Variants in DCHS2 observed in about 807,000 individuals in gnomAD.
The protein encoded by DCHS2 is protocadherin-23.
A neutral mutation model predicts 182.4 loss-of-function variants in DCHS2; 142 were observed. The observed-to-expected ratio is 0.78, with a 90% CI of 0.68 to 0.89. The LOEUF (loss-of-function observed/expected upper bound fraction) is 0.89. Ranked by LOEUF, DCHS2 falls within the 40% of genes least tolerant of loss-of-function variation. The pLI is 0.00. For missense variants in DCHS2, 4,319 were observed against 4,198.6 expected (o/e 1.03, Z -0.79); for synonymous variants, 1,740 against 1,663.3 (o/e 1.05, Z -1.12).
At chr4:154,446,334 T>C (rs548011739) in intron 1 of DCHS2, among the ~76,000 whole-genome samples, 3 of 152,300 alleles carry the variant, frequency 2.0e-5, no homozygotes, top group African/African-American at 7.2e-5. Flanking sequence ...AAAAGTTAAA[T>C]ATACACTAAA....
At chr4:154,295,880 G>A (rs1340143264) in intron 13 of DCHS2, among the ~76,000 whole-genome samples, 1 of 152,174 alleles carries the variant, frequency 6.6e-6, no homozygotes, top group East Asian at 1.9e-4. Flanking sequence ...GAATTCAACA[G>A]ATCAACTGCC....
chr4:154,281,418 A>C (rs765434339), intron 13 of DCHS2, among the ~76,000 whole-genome samples: 2 of 152,176 alleles, frequency 1.3e-5, no homozygotes, highest in Non-Finnish European at 2.9e-5. Flanking sequence ...TTAGAAAAAC[A>C]ATACCATTTA....
chr4:154,491,323 C>A lies in DCHS2; in HGVS notation c.33G>T (p.Gly11=). 6.5e-7 allele frequency: 1 copy of A among 1,545,448 alleles called. No individual in the cohort carries two copies. Among genetic ancestry groups the A allele is most frequent in the Non-Finnish European group, 8.7e-7 (1 of 1,142,968 alleles). MSPCGRKMGE[G]RQQRRAPVGK... is the part of the protein sequence containing the mutation. ...CGACCGGAGCCCGCCGCTGCTGACG[C>A]CCTTCGCCCATCTTCCGCCCACAAG... The change falls in exon 1 of 20, where the codon GGG becomes GGT. Residue 11 remains glycine (G), a synonymous_variant. Transcript: ENST00000357232.
chr4:154,335,231 G>T (rs971782365), intron 3 of DCHS2, 127 bp from the exon 4 acceptor site: 14 of 689,092 alleles, frequency 2.0e-5, no homozygotes, highest in Non-Finnish European at 3.3e-5. Context: ...GCCACAGGAT[G>T]TCCAGGCATT....
rs1733080253 is a variant in DCHS2, at chr4:154,263,431, T to C, written c.6578-3675A>G. Among the ~76,000 whole-genome samples the C allele has an allele frequency of 1.3e-5, 2 of 151,948 alleles. 1 individual carries two copies. Among genetic ancestry groups the C allele is most frequent in the South Asian group, 4.1e-4 (2 of 4,826 alleles). On this transcript the variant is annotated intron_variant, in intron 14 of 19. Coordinates refer to ENST00000357232, the MANE Select transcript of DCHS2 (RefSeq NM_001358235.2). ...GTATTACAATGCATTATTGAGTTGG[T>C]ACAGTTGTAAGAATTCTACAGAGGA... is the stretch of plus-strand genomic sequence containing the variant.
intron 1 of DCHS2, among the ~76,000 whole-genome samples, chr4:154,459,540 C>T (rs1389693152): frequency 6.6e-6 from 1 of 152,134 alleles, no homozygotes; most frequent in African/African-American, 2.4e-5. Flanking sequence ...TGATATCAGA[C>T]CCTTCCCTTC....
rs756895844 is a variant in DCHS2, at chr4:154,333,059, G to A, written c.3149C>T (p.Thr1050Met). 1.9e-6 allele frequency: 3 copies of A among 1,614,066 alleles called. No homozygotes were observed. The highest frequency in any genetic ancestry group is 2.2e-5 in the East Asian group (1 of 44,876). ...SLGAGEQREL[T>M]LTLRAEDQGV... is the part of the protein sequence containing the mutation. Reference sequence around the variant, plus strand: ...TTGGTCCTCGGCCCTGAGAGTCAGCGTGAGCTCCCGCTGCTCGCCCGCGCC... The same window carrying A: ...TTGGTCCTCGGCCCTGAGAGTCAGCATGAGCTCCCGCTGCTCGCCCGCGCC... Residue 1050 changes from threonine to methionine, a missense_variant, in exon 5 of 20, where the codon ACG becomes ATG. Physicochemically the swap from Thr to Met is moderately conservative, Grantham distance 81. Coordinates refer to ENST00000357232, the MANE Select transcript of DCHS2 (RefSeq NM_001358235.2).
intron 17 of DCHS2, 121 bp downstream of exon 17, chr4:154,242,521 G>A: frequency 2.2e-6 from 3 of 1,344,876 alleles, no homozygotes; most frequent in African/African-American, 3.0e-5. Context: ...AGACAAAAAT[G>A]ATCTAGTTTG....
In DCHS2 at chr4:154,332,615, A is replaced by G; in HGVS notation, c.3593T>C (p.Leu1198Ser). ...GGGAACAGGGCTCTCTTCGACTTTC[A>G]AAAACAACACATCATGCAAGAAGGT... ...SPTFLHDVLFLKVEESPVPQG... is the reference protein window; with the variant it reads ...SPTFLHDVLFSKVEESPVPQG... Residue 1198 changes from leucine to serine, a missense_variant, in exon 5 of 20, where the codon TTG becomes TCG. Transcript: ENST00000357232. 2 of 1,614,234 alleles carry G rather than the reference A, an allele frequency of 1.2e-6. No homozygotes were observed. Among genetic ancestry groups the G allele is most frequent in the South Asian group, 2.2e-5 (2 of 91,082 alleles).
At chr4:154,296,173 G>A (rs1003739774) in intron 13 of DCHS2, among the ~76,000 whole-genome samples, 9 of 152,054 alleles carry the variant, frequency 5.9e-5, no homozygotes, top group Admixed American at 1.3e-4. Flanking sequence ...TCAAAGCACC[G>A]GAAATGAAAC....
chr4:154,236,881 T>C lies in DCHS2; in HGVS notation c.7771A>G (p.Ser2591Gly), dbSNP rs756305060. The C allele has an allele frequency of 6.2e-7, 1 of 1,614,110 alleles. No individual in the cohort carries two copies. Among genetic ancestry groups the C allele is most frequent in the South Asian group, 1.1e-5 (1 of 91,086 alleles). ...TGAAAATTGTTCTGTGAATTACCAC[T>C]GATGATGGAATATTCAACATATGTG... ...ENTYVEYSII[S>G]GNSQNNFHVE... Residue 2591 changes from serine to glycine, a missense_variant, in exon 20 of 20, where the codon AGT becomes GGT. Coordinates refer to ENST00000357232, the MANE Select transcript of DCHS2 (RefSeq NM_001358235.2).
chr4:154,286,117 C>T (rs1172167541), intron 13 of DCHS2, among the ~76,000 whole-genome samples: 4 of 152,012 alleles, frequency 2.6e-5, no homozygotes, highest in East Asian at 1.9e-4. Flanking sequence ...TCCAGGACCA[C>T]CAAGGTGGTG....
At position 154,235,227 on chromosome 4, in the gene DCHS2, A is replaced by G. The variant is rs766914817; in HGVS notation, c.9425T>C (p.Leu3142Pro). The change falls in exon 20 of 20, where the codon CTC becomes CCC. Residue 3142 changes from leucine to proline, a missense_variant. Transcript: ENST00000357232. ...DSGIPRDSDQ[L>P]SCLSGETDVM... ...ATCAGTTTCCCCAGATAGGCAGGAG[A>G]GCTGGTCTGAGTCCCTCGGGATACC... 6.2e-7 allele frequency: 1 copy of G among 1,613,904 alleles called. No homozygotes were observed. The highest frequency in any genetic ancestry group is 8.5e-7 in the Non-Finnish European group (1 of 1,179,974).
At position 154,490,866 on chromosome 4, in the gene DCHS2, A is replaced by G; in HGVS notation, c.490T>C (p.Ser164Pro). 5 of 1,551,444 alleles carry G rather than the reference A, an allele frequency of 3.2e-6. No individual in the cohort carries two copies. Among genetic ancestry groups the G allele is most frequent in the Non-Finnish European group, 4.4e-6 (5 of 1,146,920 alleles). Residue 164 changes from serine (S) to proline (P), a missense_variant, in exon 1 of 20, where the codon TCG becomes CCG. Ser to Pro is a moderately conservative substitution (Grantham distance 74, BLOSUM62 -1). Coordinates refer to ENST00000357232, the MANE Select transcript of DCHS2 (RefSeq NM_001358235.2). ...EIRVNDVNDH[S>P]PRFPLDSLQL... ...AGGGAGTCGAGGGGAAAGCGGGGCG[A>G]GTGGTCATTCACGTCGTTGACGCGA...
intron 9 of DCHS2, among the ~76,000 whole-genome samples, chr4:154,317,027 T>G (rs1735884357): frequency 6.6e-6 from 1 of 152,242 alleles, no homozygotes; most frequent in South Asian, 2.1e-4. Context: ...GAATTCTATT[T>G]TATAAAATAA....
At chr4:154,475,364 G>T (rs1156802593) in intron 1 of DCHS2, among the ~76,000 whole-genome samples, 1 of 152,082 alleles carries the variant, frequency 6.6e-6, no homozygotes, top group East Asian at 1.9e-4. Flanking sequence ...TCCCATCAAG[G>T]CTATAAATTA....
Position 154,236,258 on chromosome 4 carries a change from A to G in DCHS2, c.8394T>C (p.Ala2798=), listed in dbSNP as rs776188265. Residue 2798 remains alanine (A), a synonymous_variant, in exon 20 of 20, where the codon GCT becomes GCC. Transcript: ENST00000357232. Reference sequence around the variant, plus strand: ...AATAGGTCAATTCTCCATACGGACCAGCATCAAAATCCAGAGCATTTATAG... The same window carrying G: ...AATAGGTCAATTCTCCATACGGACCGGCATCAAAATCCAGAGCATTTATAG... ...ICSINALDFD[A]GPYGELTYSI... 3 of 1,614,098 alleles carry G rather than the reference A, an allele frequency of 1.9e-6. No homozygotes were observed. The highest frequency in any genetic ancestry group is 1.1e-5 in the South Asian group (1 of 91,084).
rs1295007782 is a variant in DCHS2, at chr4:154,235,093, C to A, written c.9559G>T (p.Val3187Phe). ...CTCTCTTTTGCCTCTCTCTTCTGAA[C>A]TGTCTGGGGTAACACATTATTTTGA... ...CAQNNVLPQTVQKREAKESIL... is the reference protein window; with the variant it reads ...CAQNNVLPQTFQKREAKESIL... Residue 3187 changes from valine to phenylalanine, a missense_variant, in exon 20 of 20, where the codon GTT becomes TTT. Physicochemically the swap from Val to Phe is conservative, Grantham distance 50. Coordinates refer to ENST00000357232, the MANE Select transcript of DCHS2 (RefSeq NM_001358235.2). 1.2e-6 allele frequency: 2 copies of A among 1,613,964 alleles called. No individual in the cohort carries two copies. Among genetic ancestry groups the A allele is most frequent in the Non-Finnish European group, 1.7e-6 (2 of 1,179,946 alleles).
intron 1 of DCHS2, among the ~76,000 whole-genome samples, chr4:154,419,477 C>T (rs552421211): frequency 3.3e-5 from 5 of 151,680 alleles, no homozygotes; most frequent in Non-Finnish European, 4.4e-5. Flanking sequence ...GTGGTGAAAC[C>T]CCATCTCTAC....
Sources: allele counts gnomAD v4.1 joint callset (sites outside exome capture counted in the v4.1 genomes callset), GRCh38; gene constraint gnomAD v4.1.1; transcripts MANE v1.5; gene names NCBI Gene and HGNC (gene_info 2026-07-23, HGNC 2026-07-21).